CSGALNACT1: variants seen among roughly 807,000 people sequenced by gnomAD.
CSGALNACT1 encodes chondroitin sulfate N-acetylgalactosaminyltransferase 1, also known as beta4GalNAcT-1.
Under a neutral mutation model 51.0 loss-of-function variants are expected in CSGALNACT1, and 52 were observed. That is an observed-to-expected ratio of 1.02 (90% CI 0.82 to 1.29). The LOEUF (loss-of-function observed/expected upper bound fraction) is 1.29. CSGALNACT1 is among the 50% of genes most tolerant of loss of function. The pLI is 0.00. For missense variants in CSGALNACT1, 935 were observed against 679.2 expected, an observed-to-expected ratio of 1.38 and a Z score of -4.19; for synonymous variants, 341 against 254.4, an observed-to-expected ratio of 1.34 and a Z score of -3.24.
chr8:19,410,630 T>G (rs903717965), intron 8 of CSGALNACT1, among the ~76,000 whole-genome samples: 1 of 152,176 alleles, frequency 6.6e-6, no homozygotes, highest in Non-Finnish European at 1.5e-5. Context: ...GCTGCACTGA[T>G]GTAGGGCCTT....
intron 6 of CSGALNACT1, among the ~76,000 whole-genome samples, chr8:19,423,188 A>G (rs893941987): frequency 1.3e-5 from 2 of 152,228 alleles, no homozygotes; most frequent in Admixed American, 1.3e-4. Flanking sequence ...TAGGCTCTTA[A>G]TAGGCTGCAT....
chr8:19,522,243 C>G (rs1405575664), intron 3 of CSGALNACT1, among the ~76,000 whole-genome samples: 1 of 152,206 alleles, frequency 6.6e-6, no homozygotes, highest in East Asian at 1.9e-4. Flanking sequence ...GAGAAAACTA[C>G]CACCAAGAAA....
intron 1 of CSGALNACT1, among the ~76,000 whole-genome samples, chr8:19,666,835 A>AG (rs1564383750): frequency 3.5e-4 from 11 of 31,082 alleles, no homozygotes; most frequent in East Asian, 1.8e-3. Context: ...GAGAGAGAGA[A>AG]AGAAAGAAAG....
At chr8:19,437,437 A>G (rs937904210) in intron 6 of CSGALNACT1, among the ~76,000 whole-genome samples, 1 of 152,076 alleles carries the variant, frequency 6.6e-6, no homozygotes, top group Non-Finnish European at 1.5e-5. Context: ...TGGAAGGTAG[A>G]GTGTGGTATG....
intron 4 of CSGALNACT1, among the ~76,000 whole-genome samples, chr8:19,473,082 C>A (rs905789645): frequency 6.6e-6 from 1 of 152,048 alleles, no homozygotes; most frequent in Non-Finnish European, 1.5e-5. Context: ...CTTGCTCTAC[C>A]GGCATTAAAT....
At position 19,446,496 on chromosome 8, in the gene CSGALNACT1, AATTC is replaced by A. The variant is rs375986004; in HGVS notation, c.852-6569_852-6566del. 1.2e-3 allele frequency among the ~76,000 whole-genome samples: 177 copies of A among 151,994 alleles called. 1 individual carries two copies. The highest frequency in any genetic ancestry group is 2.1e-3 in the Non-Finnish European group (146 of 67,962). ...TTCTGCCTGAACCTGGAAGCCTGAA[AATTC>A]ATTCATTCATTCATTCATTCATTCA... On this transcript the variant is annotated intron_variant, in intron 5 of 9. Coordinates refer to ENST00000454498, the Ensembl canonical transcript of CSGALNACT1.
At chr8:19,708,247 A>G (rs1284311487) in intron 1 of CSGALNACT1, among the ~76,000 whole-genome samples, 1 of 152,234 alleles carries the variant, frequency 6.6e-6, no homozygotes, top group African/African-American at 2.4e-5. Flanking sequence ...AGAAATGTGC[A>G]CAGCACGTAG....
At chr8:19,583,280 T>C (rs1224244731) in intron 3 of CSGALNACT1, among the ~76,000 whole-genome samples, 1 of 152,242 alleles carries the variant, frequency 6.6e-6, no homozygotes, top group Non-Finnish European at 1.5e-5. Context: ...CATGTATTTA[T>C]CTACAGTGAT....
Position 19,505,469 on chromosome 8 carries a change from G to T in CSGALNACT1, c.366C>A (p.Ala122=), listed in dbSNP as rs756785269. ...CCTTGTCCACCTGCGAGTGCAGGAA[G>T]GCCAGGAGGTCGGCCTGGGTTTTCT... is the stretch of plus-strand genomic sequence containing the variant. Residue 122 remains alanine (A), a synonymous_variant, in exon 4 of 10, where the codon GCC becomes GCA. Coordinates refer to ENST00000454498, the Ensembl canonical transcript of CSGALNACT1. The T allele has an allele frequency of 2.7e-5, 43 of 1,614,078 alleles. No individual in the cohort carries two copies. Among genetic ancestry groups the T allele is most frequent in the Non-Finnish European group, 3.6e-5 (42 of 1,180,060 alleles).
chr8:19,483,214 C>A (rs1332992081), intron 4 of CSGALNACT1, among the ~76,000 whole-genome samples: 2 of 152,166 alleles, frequency 1.3e-5, no homozygotes, highest in Non-Finnish European at 2.9e-5. Flanking sequence ...CCAATACATT[C>A]TCAACAGAGC....
rs1045670910 is a variant in CSGALNACT1 at position 19,557,095 on chromosome 8, G to A, written c.-297+34065C>T. Among the ~76,000 whole-genome samples, 51 of 152,064 alleles carry A rather than the reference G, an allele frequency of 3.4e-4. 4 individuals carry two copies. Among genetic ancestry groups the A allele is most frequent in the Non-Finnish European group, 5.9e-5 (4 of 67,998 alleles). ...GCTTTATTCAGGTGAAAAGGGATTGGCATCACTGTTGAGGTGCCTGGAATT... is the reference window on the plus strand; with the variant it reads ...GCTTTATTCAGGTGAAAAGGGATTGACATCACTGTTGAGGTGCCTGGAATT... On this transcript the variant is annotated intron_variant, in intron 3 of 9. Coordinates refer to ENST00000454498, the Ensembl canonical transcript of CSGALNACT1.
At chr8:19,444,768 A>C (rs1313295516) in intron 5 of CSGALNACT1, among the ~76,000 whole-genome samples, 1 of 152,186 alleles carries the variant, frequency 6.6e-6, no homozygotes, top group Non-Finnish European at 1.5e-5. Context: ...AGGAAATCAA[A>C]TGAGCTCAAT....
At chr8:19,566,465 G>C (rs1269299217) in intron 3 of CSGALNACT1, among the ~76,000 whole-genome samples, 1 of 152,108 alleles carries the variant, frequency 6.6e-6, no homozygotes, top group Non-Finnish European at 1.5e-5. Flanking sequence ...TATGTTTATG[G>C]TCATTTGTCA....
At chr8:19,497,780 C>T (rs574950050) in intron 4 of CSGALNACT1, among the ~76,000 whole-genome samples, 26 of 152,156 alleles carry the variant, frequency 1.7e-4, no homozygotes, top group Non-Finnish European at 3.2e-4. Flanking sequence ...CAACCTGCCT[C>T]CCTAATGTAT....
rs367927503 is a variant in CSGALNACT1, at chr8:19,588,623, A to C, written c.-297+2537T>G. ...AGCTGGAAATACAGCAGTGAACAAGAGATAAGAACCCCCGCCTTCATGAAG... is the reference window on the plus strand; with the variant it reads ...AGCTGGAAATACAGCAGTGAACAAGCGATAAGAACCCCCGCCTTCATGAAG... On this transcript the variant is annotated intron_variant, in intron 3 of 9. Coordinates refer to ENST00000454498, the Ensembl canonical transcript of CSGALNACT1. 4.6e-5 allele frequency among the ~76,000 whole-genome samples: 7 copies of C among 152,354 alleles called. No individual in the cohort carries two copies. The East Asian group carries it at 1.3e-3, about 29-fold the overall frequency.
Position 19,506,081 on chromosome 8 carries a change from T to C in CSGALNACT1, c.-247A>G, listed in dbSNP as rs17128520. 1,497 of 665,034 alleles carry C rather than the reference T, an allele frequency of 2.3e-3. 14 individuals carry two copies. The African/African-American group carries it at 0.023, about 10-fold the overall frequency. 41.2% of individuals were successfully genotyped at this position (665,034 alleles called of 1,614,324 possible). On this transcript the variant is annotated 5_prime_UTR_variant, in exon 4 of 10. Coordinates refer to ENST00000454498, the Ensembl canonical transcript of CSGALNACT1. Reference sequence around the variant, plus strand: ...GAAGTGAAATCTCCAAGTTTTCACCTTCATTCCCATCACAGCCTTCCTGAT... The same window carrying C: ...GAAGTGAAATCTCCAAGTTTTCACCCTCATTCCCATCACAGCCTTCCTGAT...
At chr8:19,458,286 T>G in intron 5 of CSGALNACT1, 140 bp downstream of exon 4, 1 of 840,134 alleles carries the variant, frequency 1.2e-6, no homozygotes, top group South Asian at 1.3e-5. Flanking sequence ...AATGATAAAC[T>G]TTACGTGGAG....
At chr8:19,525,756 G>A (rs1482981717) in intron 3 of CSGALNACT1, among the ~76,000 whole-genome samples, 1 of 151,616 alleles carries the variant, frequency 6.6e-6, no homozygotes, top group African/African-American at 2.4e-5. Context: ...GCACATTTGA[G>A]GTACATGAAT....
chr8:19,691,785 T>C (rs1001475909), intron 1 of CSGALNACT1, among the ~76,000 whole-genome samples: 3 of 152,116 alleles, frequency 2.0e-5, no homozygotes, highest in African/African-American at 7.2e-5. Context: ...CACACTGAAG[T>C]AGTGATTCTC....
Sources: allele counts gnomAD v4.1 joint callset (sites outside exome capture counted in the v4.1 genomes callset), GRCh38; gene constraint gnomAD v4.1.1; transcripts MANE v1.5; gene names NCBI Gene and HGNC (gene_info 2026-07-23, HGNC 2026-07-21).